Variants in CCDC192 observed in about 807,000 individuals in gnomAD.
CCDC192 encodes coiled-coil domain containing 192, also known as coiled-coil domain-containing protein 192.
chr5:127,739,449 G>C (rs1448690075), intron 2 of CCDC192: 1 of 153,104 alleles, frequency 6.5e-6, no homozygotes, highest in African/African-American at 2.4e-5. Flanking sequence ...GAGCTGTGGT[G>C]GGCTCCACCC....
intron 2 of CCDC192, among the ~76,000 whole-genome samples, chr5:127,720,400 T>A (rs1192797371): frequency 6.6e-6 from 1 of 152,228 alleles, no homozygotes; most frequent in Non-Finnish European, 1.5e-5. Flanking sequence ...ATGGGCAGAA[T>A]CCCAAGGCCT....
chr5:127,754,770 A>C (rs923408698), intron 3 of CCDC192, among the ~76,000 whole-genome samples: 4 of 152,260 alleles, frequency 2.6e-5, no homozygotes, highest in African/African-American at 9.6e-5. Flanking sequence ...GGAGCCATGC[A>C]GAAGTAATTT....
chr5:127,886,098 C>T (rs1032841488), intron 6 of CCDC192, among the ~76,000 whole-genome samples: 2 of 152,230 alleles, frequency 1.3e-5, no homozygotes, highest in African/African-American at 4.8e-5. Flanking sequence ...TGCTCTTCTG[C>T]ACGTGCTTTT....
In CCDC192 at chr5:127,927,937, C is replaced by CTTTTT. The variant is rs1271788889; in HGVS notation, c.536-13228_536-13224dup. On this transcript the variant is annotated intron_variant, in intron 6 of 6. Coordinates refer to ENST00000514853, the MANE Select transcript of CCDC192 (RefSeq NM_001317938.2). ...GACACAAACTTGTGATCTTATAGTT[C>CTTTTT]TTTTTTTTTTTTTTTTTTTTTGAGA... Among the ~76,000 whole-genome samples, 25 of 117,708 alleles carry CTTTTT rather than the reference C, an allele frequency of 2.1e-4. 1 individual carries two copies. The highest frequency in any genetic ancestry group is 3.1e-4 in the Non-Finnish European group (18 of 57,404). 77.2% of individuals were successfully genotyped at this position (117,708 alleles called of 152,430 possible).
At chr5:127,834,474 A>G (rs1398515402) in intron 5 of CCDC192, among the ~76,000 whole-genome samples, 1 of 152,220 alleles carries the variant, frequency 6.6e-6, no homozygotes, top group Non-Finnish European at 1.5e-5. Flanking sequence ...GCCCCAACCA[A>G]TGAACCTAAG....
rs1561515436 is a variant in CCDC192, at chr5:127,836,640, A to ACTTTGTGCACAGGGATTACACTTCACTAT, written c.411+38478_411+38479insCTTTGTGCACAGGGATTACACTTCACTAT. ...TAATTTTTGACTGCTGTGCACCTGC[A>ACTTTGTGCACAGGGATTACACTTCACTAT]GGCTCAACACCATGTGTAAGCCACC... On this transcript the variant is annotated intron_variant, in intron 5 of 6. Transcript: ENST00000514853. Among the ~76,000 whole-genome samples the ACTTTGTGCACAGGGATTACACTTCACTAT allele has an allele frequency of 1.8e-4, 15 of 84,968 alleles. 3 individuals carry two copies. Among genetic ancestry groups the ACTTTGTGCACAGGGATTACACTTCACTAT allele is most frequent in the South Asian group, 6.1e-4 (2 of 3,272 alleles). The allele number at this position is 84,968 out of a possible 152,430, so 55.7% of individuals were successfully genotyped here.
Position 127,707,737 on chromosome 5 carries a change from A to G in CCDC192, c.91A>G (p.Ile31Val). 1 of 398,732 alleles carries G rather than the reference A, an allele frequency of 2.5e-6. No individual in the cohort carries two copies. Among genetic ancestry groups the G allele is most frequent in the Non-Finnish European group, 4.4e-6 (1 of 225,896 alleles). 24.7% of individuals were successfully genotyped at this position (398,732 alleles called of 1,614,324 possible). A position where few individuals can be genotyped will look rare whatever the true frequency, so the allele number is the denominator to read the frequency against. The change falls in exon 2 of 7, where the codon ATA (isoleucine) becomes GTA (valine). Residue 31 changes from isoleucine to valine, a missense_variant. Coordinates refer to ENST00000514853, the MANE Select transcript of CCDC192 (RefSeq NM_001317938.2). ...SMTSGSSESD[I>V]PQENKVSKAS... The stretch of plus-strand genomic sequence containing the variant: ...GACGTCTGGAAGTTCAGAGTCAGAT[A>G]TACCACAAGAAAACAAAGTATCGGT...
intron 5 of CCDC192, among the ~76,000 whole-genome samples, chr5:127,846,364 G>A (rs1580743235): frequency 6.6e-6 from 1 of 151,800 alleles, no homozygotes; most frequent in East Asian, 1.9e-4. Flanking sequence ...CCTCTTACAG[G>A]CATCTAAATG....
chr5:127,796,642 T>C (rs1349720140), intron 3 of CCDC192, among the ~76,000 whole-genome samples: 1 of 152,186 alleles, frequency 6.6e-6, no homozygotes, highest in African/African-American at 2.4e-5. Flanking sequence ...CCCAGTTCCA[T>C]GCACCCTGAT....
chr5:127,880,384 T>TC (rs1561536994), intron 6 of CCDC192, among the ~76,000 whole-genome samples: 1 of 142,182 alleles, frequency 7.0e-6, no homozygotes, highest in Non-Finnish European at 1.5e-5. Context: ...TTCTCACTCA[T>TC]AGGTGGGAAT....
At chr5:127,908,810 G>T (rs1450935812) in intron 6 of CCDC192, among the ~76,000 whole-genome samples, 1 of 152,114 alleles carries the variant, frequency 6.6e-6, no homozygotes, top group Non-Finnish European at 1.5e-5. Context: ...TTCAACTTTG[G>T]CATCCAAGTT....
chr5:127,905,235 A>G (rs1032366157), intron 6 of CCDC192, among the ~76,000 whole-genome samples: 1 of 152,210 alleles, frequency 6.6e-6, no homozygotes, highest in Non-Finnish European at 1.5e-5. Context: ...CAAAAGTTTC[A>G]ACCTATCAAG....
intron 5 of CCDC192, among the ~76,000 whole-genome samples, chr5:127,801,540 T>C (rs1224146462): frequency 6.6e-6 from 1 of 152,192 alleles, no homozygotes; most frequent in African/African-American, 2.4e-5. Context: ...TTTCTTTACA[T>C]ATCCAGTATT....
intron 6 of CCDC192, among the ~76,000 whole-genome samples, chr5:127,898,311 G>T (rs1383946168): frequency 1.3e-5 from 2 of 152,068 alleles, no homozygotes; most frequent in African/African-American, 4.8e-5. Flanking sequence ...GTTTCACCAT[G>T]TTGGCCAGGC....
intron 5 of CCDC192, among the ~76,000 whole-genome samples, chr5:127,848,994 C>A (rs2127080058): frequency 6.6e-6 from 1 of 152,266 alleles, no homozygotes; most frequent in East Asian, 1.9e-4. Flanking sequence ...TTTTGGGAGG[C>A]TGAGGCGGGC....
At chr5:127,762,922 T>G (rs1191955836) in intron 3 of CCDC192, among the ~76,000 whole-genome samples, 1 of 152,238 alleles carries the variant, frequency 6.6e-6, no homozygotes, top group Non-Finnish European at 1.5e-5. Context: ...GAGTTTATAC[T>G]ATGAGCTAGG....
intron 5 of CCDC192, among the ~76,000 whole-genome samples, chr5:127,829,920 A>C (rs1386132231): frequency 6.6e-6 from 1 of 152,206 alleles, no homozygotes; most frequent in Non-Finnish European, 1.5e-5. Context: ...GAAGGAAAAA[A>C]TGTACTCTAT....
At chr5:127,712,300 G>A (rs898856710) in intron 2 of CCDC192, among the ~76,000 whole-genome samples, 2 of 152,180 alleles carry the variant, frequency 1.3e-5, no homozygotes, top group African/African-American at 4.8e-5. Flanking sequence ...TTGATCTCCA[G>A]TGTTAGAGGG....
intron 3 of CCDC192, among the ~76,000 whole-genome samples, chr5:127,783,222 C>T (rs1364758475): frequency 6.6e-6 from 1 of 152,102 alleles, no homozygotes; most frequent in African/African-American, 2.4e-5. Flanking sequence ...TCTCGAACTC[C>T]TGACCTTGTG....
Sources: gnomAD v4.1 joint callset for allele counts (sites outside exome capture counted in the v4.1 genomes callset) on GRCh38, gnomAD v4.1.1 for gene constraint, MANE v1.5 for transcripts, NCBI Gene and HGNC (gene_info 2026-07-23, HGNC 2026-07-21) for gene names.